Variants in HMGCL observed in about 807,000 individuals in gnomAD.
HMGCL encodes 3-hydroxy-3-methylglutaryl-CoA lyase.
HMGCL carries 26 observed loss-of-function variants against 37.3 expected under a neutral mutation model. That is an observed-to-expected ratio of 0.70 (90% CI 0.51 to 0.97). HMGCL has a LOEUF of 0.97. Among genes scored for constraint, HMGCL ranks in the 50% least tolerant of loss-of-function variants. The pLI is 0.00. For synonymous variants in HMGCL, 151 were observed against 148.0 expected (o/e 1.02, Z -0.15); for missense variants, 379 against 398.1 (o/e 0.95, Z 0.41).
At chr1:23,804,670 C>T (rs946273073) in intron 7 of HMGCL, 145 bp from the exon 8 acceptor site, 2 of 890,824 alleles carry the variant, frequency 2.2e-6, no homozygotes, top group Non-Finnish European at 3.6e-6. Flanking sequence ...ACATGACAAT[C>T]CCACAGAAAG....
intron 2 of HMGCL, among the ~76,000 whole-genome samples, chr1:23,819,622 G>A (rs939276968): frequency 8.5e-5 from 13 of 152,080 alleles, no homozygotes; most frequent in African/African-American, 3.1e-4. Context: ...CTAGCTATTC[G>A]GGAGGCTGAG....
At chr1:23,807,995 G>T in intron 7 of HMGCL, 140 bp downstream of exon 7, 1 of 740,190 alleles carries the variant, frequency 1.4e-6, no homozygotes, top group Non-Finnish European at 2.4e-6. Flanking sequence ...ATCTGGGCAG[G>T]GTCACCATGA....
In HMGCL at chr1:23,808,249, C is replaced by T. The variant is rs1471029861; in HGVS notation, c.636G>A (p.Gly212=). The T allele has an allele frequency of 5.0e-6, 8 of 1,613,890 alleles. No homozygotes were observed. The highest frequency in any genetic ancestry group is 1.3e-5 in the African/African-American group (1 of 74,880). The change falls in exon 7 of 9, where the codon GGG becomes GGA. Residue 212 remains glycine (G), a synonymous_variant. Coordinates refer to ENST00000374490, the MANE Select transcript of HMGCL (RefSeq NM_000191.3). Reference sequence around the variant, plus strand: ...CAGCAGATAGCATGTCTTTCATGATCCCTGGGGTGCCCACACCAATGGTGT... The same window carrying T: ...CAGCAGATAGCATGTCTTTCATGATTCCTGGGGTGCCCACACCAATGGTGT... ...LGDTIGVGTP[G]IMKDMLSAVM...
chr1:23,812,072 T>C (rs745982141), intron 5 of HMGCL, among the ~76,000 whole-genome samples: 7 of 152,104 alleles, frequency 4.6e-5, no homozygotes, highest in Non-Finnish European at 1.0e-4. Context: ...AGTGACTGAG[T>C]GCCCACTGTG....
rs1314280344 is a variant in HMGCL at position 23,806,858 on chromosome 1, A to T, written c.750+1277T>A. On this transcript the variant is annotated intron_variant, in intron 7 of 8. Transcript: ENST00000374490. This position sits in a 1 kb window ranked among gnomAD's most constrained non-coding sequence, Gnocchi z 4.0. ...TACAATGTGCTATTTACACGCCTGT[A>T]ATCTTCCATCTGTCTTCCCCACCCA... 2.2e-6 allele frequency: 1 copy of T among 449,864 alleles called. No homozygotes were observed. The highest frequency in any genetic ancestry group is 4.4e-6 in the Non-Finnish European group (1 of 225,286). The allele number at this position is 449,864 out of a possible 1,614,324, so 27.9% of individuals were successfully genotyped here. A position where few individuals can be genotyped will look rare whatever the true frequency, so the allele number is the denominator to read the frequency against.
In HMGCL at chr1:23,806,965, A is replaced by G. The variant is rs995720055; in HGVS notation, c.750+1170T>C. 21 of 518,764 alleles carry G rather than the reference A, an allele frequency of 4.0e-5. No homozygotes were observed. Among genetic ancestry groups the G allele is most frequent in the South Asian group, 2.5e-4 (18 of 71,598 alleles). 32.1% of individuals were successfully genotyped at this position (518,764 alleles called of 1,614,324 possible). A position where few individuals can be genotyped will look rare whatever the true frequency, so the allele number is the denominator to read the frequency against. ...AGCACTTAACCTGGCACATCGATCCATATTTCCGAAGTAACTGATGGAAGA... is the reference window on the plus strand; with the variant it reads ...AGCACTTAACCTGGCACATCGATCCGTATTTCCGAAGTAACTGATGGAAGA... On this transcript the variant is annotated intron_variant, in intron 7 of 8. Coordinates refer to ENST00000374490, the MANE Select transcript of HMGCL (RefSeq NM_000191.3). The surrounding 1 kb of genome is among the most constrained non-coding windows in gnomAD (Gnocchi z 4.0).
chr1:23,811,994 GAC>G (rs1638528172), intron 5 of HMGCL, among the ~76,000 whole-genome samples: 1 of 152,202 alleles, frequency 6.6e-6, no homozygotes, highest in South Asian at 2.1e-4. Context: ...TGCTTAGAAA[GAC>G]ACAGATCTGG....
At chr1:23,820,897 C>T (rs1638707282) in intron 1 of HMGCL, among the ~76,000 whole-genome samples, 1 of 152,194 alleles carries the variant, frequency 6.6e-6, no homozygotes, top group Admixed American at 6.5e-5. Flanking sequence ...CGAAACAGAA[C>T]TCTAATTTCT....
In HMGCL at chr1:23,814,216, C is replaced by T. The variant is rs758118156; in HGVS notation, c.471G>A (p.Ala157=). ...FQRFDAILKA[A]QSANISVRGY... Reference sequence around the variant, plus strand: ...CCCGCACAGAAATATTGGCTGACTGCGCTGCCTTCAGGATTGCGTCAAACC... The same window carrying T: ...CCCGCACAGAAATATTGGCTGACTGTGCTGCCTTCAGGATTGCGTCAAACC... The change falls in exon 5 of 9, where the codon GCG becomes GCA. Residue 157 remains alanine, a synonymous_variant. Coordinates refer to ENST00000374490, the MANE Select transcript of HMGCL (RefSeq NM_000191.3). 29 of 1,613,812 alleles carry T rather than the reference C, an allele frequency of 1.8e-5. No individual in the cohort carries two copies. Among genetic ancestry groups the T allele is most frequent in the Admixed American group, 5.0e-5 (3 of 59,998 alleles).
Position 23,802,336 on chromosome 1 carries a change from T to C in HMGCL, c.*127A>G, listed in dbSNP as rs1448779769. The stretch of plus-strand genomic sequence containing the variant: ...CCTGCTTTCTGCCAGGAGAGACCTC[T>C]GTGTAGAGCTGGCTATGAGGTACCT... On this transcript the variant is annotated 3_prime_UTR_variant, in exon 9 of 9. Transcript: ENST00000374490. 10 of 753,084 alleles carry C rather than the reference T, an allele frequency of 1.3e-5. No homozygotes were observed. Among genetic ancestry groups the C allele is most frequent in the Middle Eastern group, 3.3e-4 (1 of 2,990 alleles). The allele number at this position is 753,084 out of a possible 1,614,324, so 46.7% of individuals were successfully genotyped here. A position where few individuals can be genotyped will look rare whatever the true frequency, so the allele number is the denominator to read the frequency against.
Position 23,804,434 on chromosome 1 carries a change from A to G in HMGCL, c.842T>C (p.Leu281Pro). ...GASGNLATED[L>P]VYMLEGLGIH... Reference sequence around the variant, plus strand: ...GCCCAAGCCCTCTAGCATGTAGACCAGGTCTTCTGTGGCCAAGTTTCCTGA... The same window carrying G: ...GCCCAAGCCCTCTAGCATGTAGACCGGGTCTTCTGTGGCCAAGTTTCCTGA... Residue 281 changes from leucine to proline, a missense_variant, in exon 8 of 9, where the codon CTG becomes CCG. Leu to Pro is a moderately conservative substitution (Grantham distance 98). Transcript: ENST00000374490. 3 of 1,614,240 alleles carry G rather than the reference A, an allele frequency of 1.9e-6. No individual in the cohort carries two copies. The highest frequency in any genetic ancestry group is 2.5e-6 in the Non-Finnish European group (3 of 1,180,040).
In HMGCL at chr1:23,813,756, T is replaced by G. The variant is rs190588715; in HGVS notation, c.497+434A>C. On this transcript the variant is annotated intron_variant, in intron 5 of 8. Coordinates refer to ENST00000374490, the MANE Select transcript of HMGCL (RefSeq NM_000191.3). ...TATTAGAGATGTGATGTTGGAAACA[T>G]AGAAGCCTAGGTAATTCTCCAGGGA... 2.8e-3 allele frequency: 621 copies of G among 218,592 alleles called. 8 individuals are homozygous for G. Among genetic ancestry groups the G allele is most frequent in the Middle Eastern group, 0.017 (9 of 520 alleles). The allele number at this position is 218,592 out of a possible 1,614,324, so 13.5% of individuals were successfully genotyped here. A position where few individuals can be genotyped will look rare whatever the true frequency, so the allele number is the denominator to read the frequency against.
At chr1:23,812,142 C>T (rs921856076) in intron 5 of HMGCL, among the ~76,000 whole-genome samples, 3 of 152,086 alleles carry the variant, frequency 2.0e-5, no homozygotes, top group Non-Finnish European at 4.4e-5. Flanking sequence ...GTGGGCTTTG[C>T]CCTCATGGAG....
chr1:23,818,716 C>T (rs1638659252), intron 2 of HMGCL, among the ~76,000 whole-genome samples: 1 of 151,764 alleles, frequency 6.6e-6, no homozygotes, highest in East Asian at 1.9e-4. Flanking sequence ...CACCCCAGCT[C>T]ATTTATTTTA....
At chr1:23,813,364 A>G (rs1364400018) in intron 5 of HMGCL, among the ~76,000 whole-genome samples, 2 of 149,794 alleles carry the variant, frequency 1.3e-5, no homozygotes, top group Non-Finnish European at 3.0e-5. Context: ...CCTCCCAAGT[A>G]GATGGAATTA....
rs1345364953 is a variant in HMGCL, at chr1:23,804,461, GC to G, written c.814del (p.Ala272HisfsTer14). 1 of 1,614,048 alleles carries G rather than the reference GC, an allele frequency of 6.2e-7. No homozygotes were observed. Among genetic ancestry groups the G allele is most frequent in the South Asian group, 1.1e-5 (1 of 91,078 alleles). On this transcript the variant is annotated frameshift_variant, in exon 8 of 9. Coordinates refer to ENST00000374490, the MANE Select transcript of HMGCL (RefSeq NM_000191.3). LOFTEE classifies it high-confidence loss of function. ...GTCTTCTGTGGCCAAGTTTCCTGAT[GC>G]CCCCTGTGCGTAGGGACAGCCTCCA... is the stretch of plus-strand genomic sequence containing the variant. ...GLGGCPYAQG[A>X]SGNLATEDLV...
Position 23,802,265 on chromosome 1 carries a change from G to A in HMGCL, c.*198C>T. 1 of 620,468 alleles carries A rather than the reference G, an allele frequency of 1.6e-6. No homozygotes were observed. Among genetic ancestry groups the A allele is most frequent in the South Asian group, 1.9e-5 (1 of 52,480 alleles). 38.4% of individuals were successfully genotyped at this position (620,468 alleles called of 1,614,324 possible). A position where few individuals can be genotyped will look rare whatever the true frequency, so the allele number is the denominator to read the frequency against. ...GCCCTCAAAGCCTCTCACTCCTCAG[G>A]TCTGGGCAGGAGGTCCTTCTGCCAA... is the stretch of plus-strand genomic sequence containing the variant. On this transcript the variant is annotated 3_prime_UTR_variant, in exon 9 of 9. Coordinates refer to ENST00000374490, the MANE Select transcript of HMGCL (RefSeq NM_000191.3).
At chr1:23,804,979 A>G (rs942138854) in intron 7 of HMGCL, among the ~76,000 whole-genome samples, 1 of 146,308 alleles carries the variant, frequency 6.8e-6, no homozygotes, top group East Asian at 2.1e-4. Flanking sequence ...GTCACCTCCC[A>G]CTATCCCAAA....
chr1:23,807,015 A>T, intron 7 of HMGCL: 1 of 519,012 alleles, frequency 1.9e-6, no homozygotes, highest in Non-Finnish European at 3.8e-6. Flanking sequence ...AGCTACTGCC[A>T]GACGTCACAC....
Sources: allele counts gnomAD v4.1 joint callset (sites outside exome capture counted in the v4.1 genomes callset), GRCh38; gene constraint gnomAD v4.1.1; non-coding constraint Gnocchi (gnomAD v3.1); transcripts MANE v1.5; gene names NCBI Gene and HGNC (gene_info 2026-07-23, HGNC 2026-07-21).